ACTN4: variants seen among roughly 807,000 people sequenced by gnomAD.
ACTN4 encodes alpha-actinin-4.
Under a neutral mutation model 114.2 loss-of-function variants are expected in ACTN4, and 18 were observed. The observed-to-expected ratio is 0.16, with a 90% CI of 0.11 to 0.23. ACTN4 has a LOEUF of 0.23. Among genes scored for constraint, ACTN4 ranks in the 10% least tolerant of loss-of-function variants. The probability of loss-of-function intolerance (pLI) is 1.00; values close to 1 mark genes in which losing one functional copy is unlikely to be tolerated. For missense variants in ACTN4, 722 were observed against 1,262.9 expected, an observed-to-expected ratio of 0.57 and a Z score of 6.49; for synonymous variants, 515 against 506.3, an observed-to-expected ratio of 1.02 and a Z score of -0.23.
chr19:38,649,061 A>G (rs1976476218), intron 1 of ACTN4, among the ~76,000 whole-genome samples: 1 of 150,414 alleles, frequency 6.6e-6, no homozygotes, highest in Non-Finnish European at 1.5e-5. Context: ...TGCAGGCAGA[A>G]TGAGTTTGGG....
intron 8 of ACTN4, among the ~76,000 whole-genome samples, chr19:38,713,209 TC>T (rs1251502206): frequency 6.6e-6 from 1 of 152,220 alleles, no homozygotes; most frequent in Non-Finnish European, 1.5e-5. Flanking sequence ...ACCGAAGCGT[TC>T]CCGCCTCGTT....
Position 38,717,175 on chromosome 19 carries a change from C to T in ACTN4, c.1002C>T (p.Asp334=), listed in dbSNP as rs749581416. The change falls in exon 10 of 21, where the codon GAC becomes GAT. Residue 334 remains aspartate, a synonymous_variant. Transcript: ENST00000252699. This position sits in a 1 kb window ranked among gnomAD's most constrained non-coding sequence, Gnocchi z 4.0. ...TIQEMQQKLE[D]FRDYRRVHKP... ...AGGAGATGCAGCAGAAGCTGGAGGACTTCCGCGACTACCGGCGTGTGCACA... is the reference window on the plus strand; with the variant it reads ...AGGAGATGCAGCAGAAGCTGGAGGATTTCCGCGACTACCGGCGTGTGCACA... The T allele has an allele frequency of 3.1e-6, 5 of 1,614,270 alleles. No individual in the cohort carries two copies. The South Asian group carries it at 5.5e-5, about 18-fold the overall frequency.
intron 1 of ACTN4, among the ~76,000 whole-genome samples, chr19:38,658,222 G>A (rs888352518): frequency 6.6e-6 from 1 of 152,222 alleles, no homozygotes; most frequent in Admixed American, 6.5e-5. Context: ...GAAGAAAAAG[G>A]AGAGCACTCC....
intron 1 of ACTN4, among the ~76,000 whole-genome samples, chr19:38,683,074 A>G (rs1047263058): frequency 6.6e-6 from 1 of 152,180 alleles, no homozygotes; most frequent in South Asian, 2.1e-4. Flanking sequence ...ATAGATGCCT[A>G]GTACATTTTA....
At chr19:38,706,751 G>A (rs1772467132) in intron 5 of ACTN4, among the ~76,000 whole-genome samples, 1 of 152,184 alleles carries the variant, frequency 6.6e-6, no homozygotes, top group Non-Finnish European at 1.5e-5. Flanking sequence ...GCTCAGGAGT[G>A]AATTGTTTTT....
chr19:38,724,180 G>T lies in ACTN4; in HGVS notation c.1716G>T (p.Gln572His), dbSNP rs999914810. The T allele has an allele frequency of 3.7e-6, 6 of 1,613,900 alleles. No individual in the cohort carries two copies. Among genetic ancestry groups the T allele is most frequent in the Non-Finnish European group, 5.1e-6 (6 of 1,180,032 alleles). The change falls in exon 15 of 21, where the codon CAG (glutamine) becomes CAT (histidine). Residue 572 changes from glutamine to histidine, a missense_variant. Transcript: ENST00000252699. This position sits in a 1 kb window ranked among gnomAD's most constrained non-coding sequence, Gnocchi z 7.0. ...AGGGCCTGATCTCAGCCCATGACCA[G>T]TTCAAGTCCACCCTGCCGGACGCCG... ...EIEGLISAHD[Q>H]FKSTLPDADR...
At chr19:38,648,021 G>C in intron 1 of ACTN4, 114 bp downstream of exon 1, 1 of 1,252,036 alleles carries the variant, frequency 8.0e-7, no homozygotes, top group Non-Finnish European at 1.0e-6. Context: ...GGGGGGTCCC[G>C]AGAAGGAATT....
At chr19:38,677,770 C>G (rs1327394818) in intron 1 of ACTN4, among the ~76,000 whole-genome samples, 1 of 152,180 alleles carries the variant, frequency 6.6e-6, no homozygotes, top group Admixed American at 6.5e-5. Flanking sequence ...GAGACGGAGT[C>G]TCGCTGTGTT....
chr19:38,706,637 T>C (rs1022391778), intron 5 of ACTN4, among the ~76,000 whole-genome samples: 1 of 152,212 alleles, frequency 6.6e-6, no homozygotes, highest in Non-Finnish European at 1.5e-5. Context: ...CAGGCTGGAC[T>C]TGAACTCCTG....
chr19:38,672,238 CTTTTTTTTTT>C (rs35567918), intron 1 of ACTN4, among the ~76,000 whole-genome samples: 2 of 113,744 alleles, frequency 1.8e-5, no homozygotes, highest in Non-Finnish European at 3.4e-5. Flanking sequence ...ACATGTGGTT[CTTTTTTTTTT>C]TTTTTTTTTT....
Position 38,727,250 on chromosome 19 carries a change from T to TG in ACTN4, c.2337+147_2337+148insG, listed in dbSNP as rs1969266742. 1.5e-6 allele frequency: 2 copies of TG among 1,303,626 alleles called. No individual in the cohort carries two copies. The highest frequency in any genetic ancestry group is 2.1e-6 in the Non-Finnish European group (2 of 930,690). The allele number at this position is 1,303,626 out of a possible 1,614,324, so 80.8% of individuals were successfully genotyped here. A position where few individuals can be genotyped will look rare whatever the true frequency, so the allele number is the denominator to read the frequency against. ...CAGGGCCAGCAGGGCCCTGCCACTG[T>TG]CAGGGTGTAGGTGTGCGGCACCAAG... On this transcript the variant is annotated intron_variant, in intron 18 of 20. Transcript: ENST00000252699. This position sits in a 1 kb window ranked among gnomAD's most constrained non-coding sequence, Gnocchi z 5.4.
Position 38,700,689 on chromosome 19 carries a change from C to T in ACTN4, c.252C>T (p.Leu84=), listed in dbSNP as rs1378607243. ...IDEDFRDGLK[L]MLLLEVISGE... ...AGGACTTCCGAGACGGGCTCAAGCTCATGCTGCTCCTGGAGGTCATATCAG... is the reference window on the plus strand; with the variant it reads ...AGGACTTCCGAGACGGGCTCAAGCTTATGCTGCTCCTGGAGGTCATATCAG... Residue 84 remains leucine (L), a synonymous_variant, in exon 2 of 21, where the codon CTC becomes CTT. Transcript: ENST00000252699. 1.1e-5 allele frequency: 18 copies of T among 1,613,968 alleles called. No individual in the cohort carries two copies. The highest frequency in any genetic ancestry group is 3.4e-6 in the Non-Finnish European group (4 of 1,179,986).
Position 38,727,629 on chromosome 19 carries a change from C to G in ACTN4, c.2338-317C>G, listed in dbSNP as rs183286336. 2.8e-4 allele frequency among the ~76,000 whole-genome samples: 37 copies of G among 134,516 alleles called. No individual in the cohort carries two copies. Among genetic ancestry groups the G allele is most frequent in the African/African-American group, 9.0e-4 (33 of 36,780 alleles). 88.2% of individuals were successfully genotyped at this position (134,516 alleles called of 152,430 possible). On this transcript the variant is annotated intron_variant, in intron 18 of 20. Coordinates refer to ENST00000252699, the MANE Select transcript of ACTN4 (RefSeq NM_004924.6). The surrounding 1 kb of genome is among the most constrained non-coding windows in gnomAD (Gnocchi z 5.4). ...TCCAAATCCCAAAGGCAAGGAGAAC[C>G]CCCCCCCCGACCCTCCACCAGTCCT...
chr19:38,724,090 C>G lies in ACTN4; in HGVS notation c.1692+13C>G. On this transcript the variant is annotated intron_variant, in intron 14 of 20. Transcript: ENST00000252699. The surrounding 1 kb of genome is among the most constrained non-coding windows in gnomAD (Gnocchi z 7.0). ...CGAGGAGATTGAGGTTCGCACCCCC[C>G]GGCCCCCCATCTTCCCAAGAGCCTC... 2.5e-6 allele frequency: 4 copies of G among 1,613,666 alleles called. No homozygotes were observed.
At chr19:38,706,555 A>G (rs1857381263) in intron 5 of ACTN4, among the ~76,000 whole-genome samples, 1 of 152,168 alleles carries the variant, frequency 6.6e-6, no homozygotes, top group Non-Finnish European at 1.5e-5. Flanking sequence ...CTGGGACTGC[A>G]GGTGCATGCA....
chr19:38,660,836 G>C lies in ACTN4; in HGVS notation c.162+12929G>C, dbSNP rs1976862989. 2.0e-5 allele frequency among the ~76,000 whole-genome samples: 3 copies of C among 152,176 alleles called. 1 individual carries two copies. Among genetic ancestry groups the C allele is most frequent in the Admixed American group, 2.0e-4 (3 of 15,268 alleles). On this transcript the variant is annotated intron_variant, in intron 1 of 20. Coordinates refer to ENST00000252699, the MANE Select transcript of ACTN4 (RefSeq NM_004924.6). Reference sequence around the variant, plus strand: ...AAGTTGAGGCTTTCAAGTTTATGCTGTTATTTCTACACTACACTGAAGTCT... The same window carrying C: ...AAGTTGAGGCTTTCAAGTTTATGCTCTTATTTCTACACTACACTGAAGTCT...
intron 8 of ACTN4, among the ~76,000 whole-genome samples, chr19:38,710,543 T>C (rs1968612190): frequency 6.6e-6 from 1 of 152,236 alleles, no homozygotes. Flanking sequence ...TGCCAGGCTT[T>C]TCCAGGCATT....
intron 1 of ACTN4, among the ~76,000 whole-genome samples, chr19:38,680,023 C>T (rs914557132): frequency 6.6e-6 from 1 of 152,176 alleles, no homozygotes; most frequent in African/African-American, 2.4e-5. Context: ...CCCCTCCCCT[C>T]AGCCTTAAGT....
Position 38,701,008 on chromosome 19 carries a change from G to T in ACTN4, c.284G>T (p.Arg95Leu). The T allele has an allele frequency of 1.2e-6, 2 of 1,613,892 alleles. No homozygotes were observed. Among genetic ancestry groups the T allele is most frequent in the Non-Finnish European group, 1.7e-6 (2 of 1,180,028 alleles). Residue 95 changes from arginine to leucine, a missense_variant, in exon 3 of 21, where the codon CGG becomes CTG. Physicochemically the swap from Arg to Leu is moderately radical, Grantham distance 102. Coordinates refer to ENST00000252699, the MANE Select transcript of ACTN4 (RefSeq NM_004924.6). ...MLLLEVISGE[R>L]LPKPERGKMR... is the part of the protein sequence containing the mutation. ...CTCTTTGTGCACTTCTCAGGGGAGC[G>T]GTTACCTAAGCCGGAGCGGGGGAAG...
Sources: gnomAD v4.1 joint callset for allele counts (sites outside exome capture counted in the v4.1 genomes callset) on GRCh38, gnomAD v4.1.1 for gene constraint, Gnocchi (gnomAD v3.1) non-coding constraint, MANE v1.5 for transcripts, NCBI Gene and HGNC (gene_info 2026-07-23, HGNC 2026-07-21) for gene names.